Variants in TENM2 observed in about 807,000 individuals in gnomAD.
TENM2 encodes teneurin transmembrane protein 2, also known as teneurin-2.
A neutral mutation model predicts 245.2 loss-of-function variants in TENM2; 52 were observed. The ratio of observed to expected loss-of-function variants is 0.21; its 90% CI spans 0.17 to 0.27. TENM2 has a LOEUF of 0.27. Ranked by LOEUF, TENM2 falls within the 10% of genes least tolerant of loss-of-function variation. The pLI is 1.00. For synonymous variants in TENM2, 1,363 were observed against 1,438.9 expected (o/e 0.95, Z 1.19); for missense variants, 3,046 against 3,666.8 (o/e 0.83, Z 4.37).
At chr5:168,063,886 T>C (rs1790271590) in intron 7 of TENM2, among the ~76,000 whole-genome samples, 1 of 151,980 alleles carries the variant, frequency 6.6e-6, no homozygotes, top group Admixed American at 6.6e-5. Flanking sequence ...AGCTGAGCTG[T>C]GTAGGTTTTT....
exon 20 of TENM2, chr5:168,211,741 G>A: frequency 7.5e-7 from 1 of 1,339,756 alleles, no homozygotes; most frequent in Non-Finnish European, 1.0e-6. Flanking sequence ...AAGAAATAAA[G>A]AGTTTAAACA....
exon 12 of TENM2, chr5:168,126,758 G>A (rs1303238111): frequency 1.9e-6 from 3 of 1,609,608 alleles, no homozygotes; most frequent in Non-Finnish European, 2.5e-6. Context: ...TTCCAGAAGT[G>A]TGCTCAGTAG....
intron 2 of TENM2, among the ~76,000 whole-genome samples, chr5:167,751,623 G>T (rs572843775): frequency 6.6e-6 from 1 of 152,202 alleles, no homozygotes; most frequent in African/African-American, 2.4e-5. Context: ...AGTGGCCTGA[G>T]GTTTGTTTTG....
chr5:167,839,390 G>T (rs534647036), intron 2 of TENM2, among the ~76,000 whole-genome samples: 1 of 152,286 alleles, frequency 6.6e-6, no homozygotes, highest in East Asian at 1.9e-4. Flanking sequence ...ATTAAAAAGG[G>T]TGCAGAACAG....
chr5:168,240,657 T>C (rs568374767), intron 25 of TENM2, among the ~76,000 whole-genome samples: 2 of 152,138 alleles, frequency 1.3e-5, no homozygotes, highest in African/African-American at 4.8e-5. Context: ...AAGCCTGGCA[T>C]TAGCTGACAC....
intron 2 of TENM2, among the ~76,000 whole-genome samples, chr5:167,805,444 CT>C (rs1425846119): frequency 1.3e-5 from 2 of 152,058 alleles, no homozygotes; most frequent in African/African-American, 4.8e-5. Context: ...ATTTGTTGCT[CT>C]TTAAAACTAT....
rs547118783 is a variant in TENM2, at chr5:168,048,318, G to A, written c.1309+769G>A. 5.9e-5 allele frequency among the ~76,000 whole-genome samples: 9 copies of A among 152,218 alleles called. No homozygotes were observed. The East Asian group carries it at 1.5e-3, about 26-fold the overall frequency. On this transcript the variant is annotated intron_variant, in intron 6 of 28. Transcript: ENST00000518659. The stretch of plus-strand genomic sequence containing the variant: ...GCACGCAGTGAGATATGCTTAATTC[G>A]GGATGGAAATCGCAAGGGAGAGATT...
At chr5:167,997,238 G>A (rs548645337) in intron 5 of TENM2, among the ~76,000 whole-genome samples, 1 of 152,258 alleles carries the variant, frequency 6.6e-6, no homozygotes, top group African/African-American at 2.4e-5. Flanking sequence ...ATGTCTCCTT[G>A]AAGGTCTTTC....
intron 3 of TENM2, among the ~76,000 whole-genome samples, chr5:167,912,399 C>T (rs886106377): frequency 3.9e-5 from 6 of 152,212 alleles, no homozygotes; most frequent in Non-Finnish European, 7.3e-5. Flanking sequence ...TCTATTGATG[C>T]AGACTTAGCT....
At chr5:167,532,594 C>T (rs1170621364) in intron 2 of TENM2, among the ~76,000 whole-genome samples, 2 of 151,890 alleles carry the variant, frequency 1.3e-5, no homozygotes, top group African/African-American at 2.4e-5. Context: ...GACCTGCCCC[C>T]ATAATTCAAT....
intron 24 of TENM2, 145 bp from the exon 27 acceptor site, chr5:168,227,750 T>G: frequency 3.5e-6 from 2 of 576,968 alleles, no homozygotes; most frequent in East Asian, 2.8e-5. Flanking sequence ...ATGGTATGTA[T>G]GTGTGCTAAT....
intron 1 of TENM2, among the ~76,000 whole-genome samples, chr5:167,353,092 C>G (rs1462345534): frequency 6.6e-6 from 1 of 152,162 alleles, no homozygotes; most frequent in Non-Finnish European, 1.5e-5. Context: ...AGCCAATGCG[C>G]AGAAACATGA....
At chr5:167,769,138 C>T (rs1160934809) in intron 2 of TENM2, among the ~76,000 whole-genome samples, 1 of 152,210 alleles carries the variant, frequency 6.6e-6, no homozygotes, top group Non-Finnish European at 1.5e-5. Context: ...ATTGACATCT[C>T]TGTCATGGGG....
At chr5:167,484,285 T>A (rs1314545296) in intron 2 of TENM2, among the ~76,000 whole-genome samples, 4 of 152,120 alleles carry the variant, frequency 2.6e-5, no homozygotes, top group Non-Finnish European at 5.9e-5. Context: ...TACCTCAGAA[T>A]ATGGCCTCAT....
intron 2 of TENM2, among the ~76,000 whole-genome samples, chr5:167,714,305 T>G (rs1163195349): frequency 1.3e-5 from 2 of 152,260 alleles, no homozygotes; most frequent in Non-Finnish European, 2.9e-5. Context: ...TTAAGTTGCT[T>G]CTTCTGCAAG....
chr5:167,599,493 A>G (rs1776457650), intron 2 of TENM2, among the ~76,000 whole-genome samples: 1 of 152,222 alleles, frequency 6.6e-6, no homozygotes. Context: ...AGAATTTTCT[A>G]TGGATCAGTT....
At chr5:167,064,494 G>A in the TENM2 span, among the ~76,000 whole-genome samples, 3 of 152,118 alleles carry the variant, frequency 2.0e-5, no homozygotes, top group Admixed American at 1.3e-4. Flanking sequence ...ACTTAAAAAT[G>A]GAGTATTTTG....
At chr5:167,169,978 A>G in the TENM2 span, among the ~76,000 whole-genome samples, 1 of 152,186 alleles carries the variant, frequency 6.6e-6, no homozygotes, top group Non-Finnish European at 1.5e-5. Flanking sequence ...ATGGCAGGAT[A>G]CCACTGACCC....
intron 2 of TENM2, among the ~76,000 whole-genome samples, chr5:167,790,601 C>G (rs1013112843): frequency 2.0e-5 from 3 of 152,266 alleles, no homozygotes; most frequent in African/African-American, 7.2e-5. Context: ...AAACAGGGAA[C>G]TGTTCTCGTC....
Sources: allele counts gnomAD v4.1 joint callset (sites outside exome capture counted in the v4.1 genomes callset), GRCh38; gene constraint gnomAD v4.1.1; transcripts MANE v1.5; gene names NCBI Gene and HGNC (gene_info 2026-07-23, HGNC 2026-07-21).